The following CSMD1 variants were observed in gnomAD, a reference collection of about 807,000 sequenced individuals.
The protein encoded by CSMD1 is CUB and sushi domain-containing protein 1.
CSMD1 carries 213 observed loss-of-function variants against 417.5 expected under a neutral mutation model. The observed-to-expected ratio is 0.51, with a 90% CI of 0.46 to 0.57. The LOEUF is 0.57. CSMD1 is among the 20% of genes least tolerant of loss of function. The probability of loss-of-function intolerance (pLI) is 0.00; values close to 1 mark genes in which losing one functional copy is unlikely to be tolerated. For missense variants in CSMD1, 6,923 were observed against 4,529.7 expected (o/e 1.53, Z -15.17); for synonymous variants, 2,862 against 1,736.8 (o/e 1.65, Z -16.11).
rs562288203 is a variant in CSMD1, at chr8:3,103,522, A to G, written c.6949+3006T>C. 1.2e-4 allele frequency among the ~76,000 whole-genome samples: 18 copies of G among 152,188 alleles called. No individual in the cohort carries two copies. The South Asian group carries it at 3.3e-3, about 28-fold the overall frequency. ...AACTCATCTCAACATTGAAAAGGTA[A>G]TGCGTGGCCCCGTAGTACTGCAACT... On this transcript the variant is annotated intron_variant, in intron 46 of 69. Transcript: ENST00000635120.
chr8:4,941,992 A>C (rs796246038), intron 1 of CSMD1, among the ~76,000 whole-genome samples: 2 of 152,294 alleles, frequency 1.3e-5, no homozygotes, highest in African/African-American at 4.8e-5. Context: ...AGTCATTTAA[A>C]ACCTGAATCA....
At chr8:4,088,072 A>G (rs1029458505) in intron 3 of CSMD1, among the ~76,000 whole-genome samples, 1 of 152,172 alleles carries the variant, frequency 6.6e-6, no homozygotes, top group Non-Finnish European at 1.5e-5. Context: ...TCACAGTAAC[A>G]ATGACTAGAG....
chr8:3,714,023 T>C (rs1305425256), intron 6 of CSMD1, among the ~76,000 whole-genome samples: 3 of 55,884 alleles, frequency 5.4e-5, no homozygotes, highest in Admixed American at 2.5e-4. Context: ...GGGCTCACTA[T>C]GCAGATAGAT....
At chr8:4,958,662 G>C (rs1169343739) in intron 1 of CSMD1, among the ~76,000 whole-genome samples, 1 of 152,144 alleles carries the variant, frequency 6.6e-6, no homozygotes, top group Non-Finnish European at 1.5e-5. Context: ...TTCTGGTTTT[G>C]TGAGTTACCA....
At chr8:3,882,915 A>G (rs1177737812) in intron 5 of CSMD1, among the ~76,000 whole-genome samples, 1 of 152,144 alleles carries the variant, frequency 6.6e-6, no homozygotes, top group Non-Finnish European at 1.5e-5. Context: ...TTGTGGGAGT[A>G]ATGTTCTGCA....
At chr8:4,077,491 G>C (rs1449572208) in intron 3 of CSMD1, among the ~76,000 whole-genome samples, 1 of 151,934 alleles carries the variant, frequency 6.6e-6, no homozygotes, top group African/African-American at 2.4e-5. Flanking sequence ...CTTCACCTCA[G>C]TTTACTTGCA....
At chr8:3,981,034 C>T (rs1403084986) in intron 5 of CSMD1, among the ~76,000 whole-genome samples, 2 of 152,140 alleles carry the variant, frequency 1.3e-5, no homozygotes, top group African/African-American at 4.8e-5. Context: ...CCTGTAGTAA[C>T]CATGAATTTT....
intron 7 of CSMD1, among the ~76,000 whole-genome samples, chr8:3,629,639 T>C (rs927136426): frequency 2.0e-5 from 3 of 152,212 alleles, no homozygotes; most frequent in Non-Finnish European, 4.4e-5. Context: ...CTCAGGATTA[T>C]TTTATCAAGG....
intron 6 of CSMD1, among the ~76,000 whole-genome samples, chr8:3,733,281 CATAA>C (rs71515680): frequency 0.35 from 50,521 of 146,248 alleles, 9,024 homozygotes; most frequent in Non-Finnish European, 0.4. Context: ...TTTATATATG[CATAA>C]ATATACATAT....
chr8:3,764,986 C>A (rs1369946787), intron 5 of CSMD1, among the ~76,000 whole-genome samples: 1 of 152,052 alleles, frequency 6.6e-6, no homozygotes, highest in Non-Finnish European at 1.5e-5. Context: ...CTCAGGTGAT[C>A]TGCCCACTTC....
At chr8:4,464,996 C>G (rs1163220685) in intron 2 of CSMD1, among the ~76,000 whole-genome samples, 1 of 152,064 alleles carries the variant, frequency 6.6e-6, no homozygotes, top group African/African-American at 2.4e-5. Flanking sequence ...TTTTCCTGAA[C>G]CCAGGAGCTA....
chr8:3,218,425 G>T (rs1798007187), intron 29 of CSMD1, among the ~76,000 whole-genome samples: 1 of 151,848 alleles, frequency 6.6e-6, no homozygotes, highest in African/African-American at 2.4e-5. Flanking sequence ...GCCGGGCGTG[G>T]TGGCAGCTGC....
intron 6 of CSMD1, among the ~76,000 whole-genome samples, chr8:3,728,256 C>T (rs1048115835): frequency 6.6e-6 from 1 of 152,148 alleles, no homozygotes; most frequent in South Asian, 2.1e-4. Context: ...GGTTCTTATT[C>T]TCTCTTTGCC....
chr8:3,534,480 G>C (rs569903067), intron 10 of CSMD1, among the ~76,000 whole-genome samples: 1 of 147,060 alleles, frequency 6.8e-6, no homozygotes, highest in Admixed American at 6.9e-5. Flanking sequence ...CCTCTCTCAT[G>C]CTCAGCGATA....
chr8:4,445,973 G>A (rs1460439601), intron 2 of CSMD1, among the ~76,000 whole-genome samples: 3 of 152,130 alleles, frequency 2.0e-5, no homozygotes, highest in African/African-American at 7.2e-5. Context: ...CGAAAGGATA[G>A]CAACAATGTC....
chr8:3,377,079 G>A (rs544144028), intron 18 of CSMD1, among the ~76,000 whole-genome samples: 3 of 152,146 alleles, frequency 2.0e-5, no homozygotes, highest in Non-Finnish European at 2.9e-5. Context: ...TGTGATCTTG[G>A]CTCTCTGCAG....
At chr8:3,363,654 A>G (rs1809351624) in intron 20 of CSMD1, among the ~76,000 whole-genome samples, 1 of 152,066 alleles carries the variant, frequency 6.6e-6, no homozygotes, top group African/African-American at 2.4e-5. Context: ...CAGTCTCCTG[A>G]GTAGCTGCGA....
intron 10 of CSMD1, among the ~76,000 whole-genome samples, chr8:3,504,979 G>A (rs1200579779): frequency 6.6e-6 from 1 of 151,114 alleles, no homozygotes; most frequent in Non-Finnish European, 1.5e-5. Context: ...GTGCACCAGG[G>A]AAAGTAAGCA....
chr8:4,669,833 G>C (rs1195021095), intron 1 of CSMD1, among the ~76,000 whole-genome samples: 2 of 152,164 alleles, frequency 1.3e-5, no homozygotes, highest in East Asian at 3.9e-4. Context: ...CATCCAAGAA[G>C]AATGGTTTCT....
Sources: gnomAD v4.1 joint callset for allele counts (sites outside exome capture counted in the v4.1 genomes callset) on GRCh38, gnomAD v4.1.1 for gene constraint, MANE v1.5 for transcripts, NCBI Gene and HGNC (gene_info 2026-07-23, HGNC 2026-07-21) for gene names.